Variants in MGST2 observed in about 807,000 individuals in gnomAD.
MGST2 encodes microsomal glutathione S-transferase 2.
MGST2 carries 9 observed loss-of-function variants against 16.6 expected under a neutral mutation model. The observed-to-expected ratio is 0.54, with a 90% confidence interval of 0.33 to 0.95. MGST2 has a LOEUF of 0.95. Among genes scored for constraint, MGST2 ranks in the 40% least tolerant of loss-of-function variants. The probability of loss-of-function intolerance (pLI) is 0.03; values close to 1 mark genes in which losing one functional copy is unlikely to be tolerated. For missense variants in MGST2, 159 were observed against 175.1 expected (o/e 0.91, Z 0.52); for synonymous variants, 79 against 68.0 (o/e 1.16, Z -0.79).
intron 5 of MGST2, chr4:139,719,201 T>C: frequency 8.9e-7 from 1 of 1,128,680 alleles, no homozygotes. Flanking sequence ...GTCAGCCAGC[T>C]GCAGTTTTGC....
intron 5 of MGST2, chr4:139,720,041 G>A (rs747826546): frequency 2.5e-5 from 41 of 1,613,944 alleles, no homozygotes; most frequent in Admixed American, 1.5e-4. Flanking sequence ...AGGTTGCCTC[G>A]GTCCCTGGGC....
chr4:139,730,707 T>C (rs749261371), intron 5 of MGST2: 39 of 1,567,656 alleles, frequency 2.5e-5, no homozygotes, highest in East Asian at 2.3e-5. Context: ...GGATTCCCCA[T>C]AGAGACTCAC....
At chr4:139,689,451 C>T (rs991015985) in intron 2 of MGST2, among the ~76,000 whole-genome samples, 5 of 152,130 alleles carry the variant, frequency 3.3e-5, no homozygotes, top group African/African-American at 1.2e-4. Context: ...AAGATTAACT[C>T]CAGCAACCTC....
chr4:139,667,401 C>T lies in MGST2; in HGVS notation c.58+1324C>T, dbSNP rs542590243. 2.0e-5 allele frequency among the ~76,000 whole-genome samples: 3 copies of T among 147,176 alleles called. No individual in the cohort carries two copies. In the South Asian group the frequency reaches 6.3e-4, roughly 31 times the overall value. ...TAGGCCTGCAGGTCCACAGATGTCC[C>T]AAAGCTGACAGAGGTGCTCATCCTC... On this transcript the variant is annotated intron_variant, in intron 1 of 4. Coordinates refer to ENST00000265498, the MANE Select transcript of MGST2 (RefSeq NM_002413.5).
At chr4:139,690,244 G>A (rs1434035575) in intron 2 of MGST2, among the ~76,000 whole-genome samples, 1 of 151,962 alleles carries the variant, frequency 6.6e-6, no homozygotes, top group Admixed American at 6.6e-5. Context: ...CACCTGCCTC[G>A]GCCTCCCAAA....
chr4:139,665,863 A>C lies in MGST2; in HGVS notation c.-157A>C. On this transcript the variant is annotated 5_prime_UTR_variant, in exon 1 of 5. Coordinates refer to ENST00000265498, the MANE Select transcript of MGST2 (RefSeq NM_002413.5). ...AGCCCCAGACCTGCCTGCCTTCCTG[A>C]CTTCTGTTCCAGAGCAAAGGTCATT... 2 of 741,262 alleles carry C rather than the reference A, an allele frequency of 2.7e-6. No homozygotes were observed. The highest frequency in any genetic ancestry group is 5.4e-5 in the East Asian group (2 of 37,138). 45.9% of individuals were successfully genotyped at this position (741,262 alleles called of 1,614,324 possible).
At chr4:139,729,249 C>T (rs1200749915) in intron 5 of MGST2, among the ~76,000 whole-genome samples, 1 of 149,104 alleles carries the variant, frequency 6.7e-6, no homozygotes, top group Non-Finnish European at 1.5e-5. Flanking sequence ...TTACTTTGAA[C>T]TGCTATTCTT....
At chr4:139,725,755 A>C (rs760553105) in intron 5 of MGST2, 2 of 1,613,942 alleles carry the variant, frequency 1.2e-6, no homozygotes, top group Non-Finnish European at 1.7e-6. Context: ...CCTCACCTTG[A>C]AACTGATTGA....
At chr4:139,725,892 T>G in intron 5 of MGST2, 4 of 1,409,298 alleles carry the variant, frequency 2.8e-6, no homozygotes, top group Middle Eastern at 3.7e-4. Context: ...AAGCACACAA[T>G]TCAATATCCC....
At chr4:139,673,796 T>C (rs1284739328) in intron 1 of MGST2, among the ~76,000 whole-genome samples, 1 of 152,190 alleles carries the variant, frequency 6.6e-6, no homozygotes, top group Non-Finnish European at 1.5e-5. Flanking sequence ...CCTCCCACCT[T>C]GGCCTCCTGA....
At chr4:139,704,778 C>T (rs1027528099), downstream of MGST2, among the ~76,000 whole-genome samples, 10 of 152,098 alleles carry the variant, frequency 6.6e-5, no homozygotes, top group East Asian at 3.9e-4. Context: ...AAAAATTAGC[C>T]GGGCATGGTG....
intron 5 of MGST2, among the ~76,000 whole-genome samples, chr4:139,724,491 T>C (rs1404248047): frequency 6.6e-6 from 1 of 152,236 alleles, no homozygotes; most frequent in Non-Finnish European, 1.5e-5. Flanking sequence ...CCCAGTCTAT[T>C]GATAAAGTTC....
At chr4:139,729,962 A>G (rs1728634588) in intron 5 of MGST2, among the ~76,000 whole-genome samples, 1 of 152,170 alleles carries the variant, frequency 6.6e-6, no homozygotes, top group African/African-American at 2.4e-5. Context: ...TCCATTGTTC[A>G]TTACCCATTC....
intron 5 of MGST2, among the ~76,000 whole-genome samples, chr4:139,722,007 G>T (rs1247220521): frequency 6.6e-6 from 1 of 152,186 alleles, no homozygotes; most frequent in Non-Finnish European, 1.5e-5. Context: ...TGATTGGATA[G>T]ACCCAAATTA....
At position 139,695,083 on chromosome 4, in the gene MGST2, GT is replaced by G. The variant is rs748081117; in HGVS notation, c.159-113del. On this transcript the variant is annotated intron_variant, in intron 2 of 4. Transcript: ENST00000265498. ...ATGTAAAGGTCATTTAAACTCTTTTGTAAGTTCTTATATTTTGTTAAAATAG... is the reference window on the plus strand; with the variant it reads ...ATGTAAAGGTCATTTAAACTCTTTTGAAGTTCTTATATTTTGTTAAAATAG... The G allele has an allele frequency of 2.4e-4, 176 of 740,362 alleles. 1 individual carries two copies. Among genetic ancestry groups the G allele is most frequent in the South Asian group, 6.1e-4 (39 of 63,864 alleles). The allele number at this position is 740,362 out of a possible 1,614,324, so 45.9% of individuals were successfully genotyped here.
chr4:139,696,935 TG>T (rs775759789), intron 3 of MGST2, among the ~76,000 whole-genome samples: 2 of 152,040 alleles, frequency 1.3e-5, no homozygotes. Context: ...ATGTTGTGTT[TG>T]GGGGCAAGTA....
chr4:139,741,943 T>C (rs1457920209), downstream of MGST2, among the ~76,000 whole-genome samples: 1 of 152,108 alleles, frequency 6.6e-6, no homozygotes, highest in Non-Finnish European at 1.5e-5. Context: ...CTCCAAAAAA[T>C]AGAAATGGCT....
intron 2 of MGST2, among the ~76,000 whole-genome samples, chr4:139,688,361 T>A (rs1250303904): frequency 6.6e-6 from 1 of 152,216 alleles, no homozygotes; most frequent in Non-Finnish European, 1.5e-5. Context: ...AATTGCTTCT[T>A]AGTTCTTGTG....
downstream of MGST2, among the ~76,000 whole-genome samples, chr4:139,741,329 C>T (rs189109057): frequency 3.3e-4 from 51 of 152,288 alleles, no homozygotes; most frequent in African/African-American, 1.0e-3. Context: ...GACCACCTGA[C>T]CCTGGGCCTT....
Sources: allele counts gnomAD v4.1 joint callset (sites outside exome capture counted in the v4.1 genomes callset), GRCh38; gene constraint gnomAD v4.1.1; transcripts MANE v1.5; gene names NCBI Gene and HGNC (gene_info 2026-07-23, HGNC 2026-07-21).